The following LRRC4C variants were observed in gnomAD, a reference collection of about 807,000 sequenced individuals.
LRRC4C encodes the protein leucine rich repeat containing 4C.
A neutral mutation model predicts 33.6 loss-of-function variants in LRRC4C; 5 were observed. The ratio of observed to expected loss-of-function variants is 0.15; its 90% CI spans 0.08 to 0.31. LRRC4C has a LOEUF of 0.31. Among genes scored for constraint, LRRC4C ranks in the 10% least tolerant of loss-of-function variants. The pLI is 1.00. For missense variants in LRRC4C, 560 were observed against 796.7 expected, an observed-to-expected ratio of 0.70 and a Z score of 3.58; for synonymous variants, 329 against 302.0, an observed-to-expected ratio of 1.09 and a Z score of -0.93.
chr11:40,441,563 T>A (rs1951396994), intron 3 of LRRC4C, among the ~76,000 whole-genome samples: 1 of 152,228 alleles, frequency 6.6e-6, no homozygotes, highest in Non-Finnish European at 1.5e-5. Context: ...AACACAGGTT[T>A]ATTTGTGGAT....
At chr11:41,296,248 G>A (rs774975001) in intron 1 of LRRC4C, among the ~76,000 whole-genome samples, 2 of 152,064 alleles carry the variant, frequency 1.3e-5, no homozygotes, top group Non-Finnish European at 2.9e-5. Context: ...AAATCCTGGC[G>A]GTTGTTCTGA....
chr11:40,436,289 G>A (rs1951135495), intron 3 of LRRC4C, among the ~76,000 whole-genome samples: 1 of 152,192 alleles, frequency 6.6e-6, no homozygotes, highest in South Asian at 2.1e-4. Context: ...AGAGAGGGCT[G>A]TTTAGGTAGT....
intron 5 of LRRC4C, among the ~76,000 whole-genome samples, chr11:40,217,179 T>C (rs1864039790): frequency 6.6e-6 from 1 of 152,162 alleles, no homozygotes; most frequent in African/African-American, 2.4e-5. Flanking sequence ...TTAATATGTA[T>C]AGAGTGCTTA....
chr11:40,851,706 G>C (rs1330104257), intron 2 of LRRC4C, among the ~76,000 whole-genome samples: 2 of 152,172 alleles, frequency 1.3e-5, no homozygotes, highest in East Asian at 3.9e-4. Flanking sequence ...CTTGAATCCA[G>C]GAGGCGGAGG....
intron 1 of LRRC4C, among the ~76,000 whole-genome samples, chr11:41,082,830 C>T (rs553000837): frequency 6.6e-6 from 1 of 152,222 alleles, no homozygotes; most frequent in East Asian, 1.9e-4. Context: ...CCATCCCCTT[C>T]TTCCATTAAG....
rs189972962 is a variant in LRRC4C, at chr11:40,478,978, T to A, written c.-269-159257A>T. 3.9e-5 allele frequency among the ~76,000 whole-genome samples: 6 copies of A among 152,314 alleles called. No individual in the cohort carries two copies. In the East Asian group the frequency reaches 1.2e-3, roughly 29 times the overall value. On this transcript the variant is annotated intron_variant, in intron 3 of 6. Transcript: ENST00000528697. ...GAAACTATTAACTTTTAAAACACTTTTATTTAATGTTTGCCTTATTATACA... is the reference window on the plus strand; with the variant it reads ...GAAACTATTAACTTTTAAAACACTTATATTTAATGTTTGCCTTATTATACA...
chr11:40,181,130 C>T (rs1184282762), intron 5 of LRRC4C, among the ~76,000 whole-genome samples: 1 of 152,158 alleles, frequency 6.6e-6, no homozygotes, highest in Non-Finnish European at 1.5e-5. Context: ...GCTTCATTCC[C>T]ATCACCACAA....
chr11:41,239,579 T>A (rs934129804), intron 1 of LRRC4C, among the ~76,000 whole-genome samples: 4 of 152,148 alleles, frequency 2.6e-5, no homozygotes, highest in Non-Finnish European at 5.9e-5. Context: ...CTCCCTCAAA[T>A]GTGACTGTCT....
At chr11:40,754,129 T>C (rs1397138303) in intron 2 of LRRC4C, among the ~76,000 whole-genome samples, 1 of 152,074 alleles carries the variant, frequency 6.6e-6, no homozygotes, top group African/African-American at 2.4e-5. Flanking sequence ...AAAATGATCA[T>C]TTACATATCT....
intron 3 of LRRC4C, among the ~76,000 whole-genome samples, chr11:40,400,139 G>T (rs965911626): frequency 6.6e-6 from 1 of 151,972 alleles, no homozygotes; most frequent in African/African-American, 2.4e-5. Context: ...TAAAATCCTT[G>T]GGATTCCCTC....
At chr11:40,644,806 G>A (rs899630449) in intron 3 of LRRC4C, among the ~76,000 whole-genome samples, 3 of 152,168 alleles carry the variant, frequency 2.0e-5, no homozygotes, top group Non-Finnish European at 4.4e-5. Flanking sequence ...AAGGGCAACA[G>A]GAGGGTCCCT....
At chr11:40,570,877 G>A (rs1957956179) in intron 3 of LRRC4C, among the ~76,000 whole-genome samples, 1 of 151,800 alleles carries the variant, frequency 6.6e-6, no homozygotes, top group Non-Finnish European at 1.5e-5. Context: ...TTAAAGTGAA[G>A]AAATAAACAA....
chr11:40,117,081 T>A (rs980581759), intron 6 of LRRC4C, among the ~76,000 whole-genome samples: 1 of 152,186 alleles, frequency 6.6e-6, no homozygotes, highest in Non-Finnish European at 1.5e-5. Flanking sequence ...ATCATAGAAG[T>A]GACATTCAAG....
intron 1 of LRRC4C, among the ~76,000 whole-genome samples, chr11:41,252,647 A>G (rs543946680): frequency 6.6e-6 from 1 of 152,296 alleles, no homozygotes; most frequent in African/African-American, 2.4e-5. Context: ...GTCCTATTTA[A>G]TAAGTGCCTT....
chr11:41,243,876 C>A (rs1294583823), intron 1 of LRRC4C, among the ~76,000 whole-genome samples: 2 of 151,992 alleles, frequency 1.3e-5, no homozygotes, highest in African/African-American at 4.8e-5. Context: ...GCATGAATAT[C>A]GCTATTATAC....
chr11:40,825,798 T>C, intron 2 of LRRC4C, among the ~76,000 whole-genome samples: 1 of 151,332 alleles, frequency 6.6e-6, no homozygotes, highest in Non-Finnish European at 1.5e-5. Flanking sequence ...GTTGACTGGA[T>C]GACACAAAGA....
At chr11:40,360,977 A>G (rs11035803) in intron 3 of LRRC4C, among the ~76,000 whole-genome samples, 24,382 of 152,206 alleles carry the variant, frequency 0.16, 2,274 homozygotes, top group East Asian at 0.3. Flanking sequence ...CATCACATAA[A>G]AAAACTAAAG....
At chr11:40,692,978 C>G (rs1201587162) in intron 2 of LRRC4C, among the ~76,000 whole-genome samples, 1 of 152,004 alleles carries the variant, frequency 6.6e-6, no homozygotes, top group East Asian at 1.9e-4. Context: ...GAGATTAATA[C>G]AGAACTATGA....
chr11:41,247,680 C>T (rs1185671903), intron 1 of LRRC4C, among the ~76,000 whole-genome samples: 1 of 152,128 alleles, frequency 6.6e-6, no homozygotes, highest in Non-Finnish European at 1.5e-5. Context: ...TAGAAGGGAA[C>T]ATTTGTCTGC....
Sources: gnomAD v4.1 joint callset for allele counts (sites outside exome capture counted in the v4.1 genomes callset) on GRCh38, gnomAD v4.1.1 for gene constraint, MANE v1.5 for transcripts, NCBI Gene and HGNC (gene_info 2026-07-23, HGNC 2026-07-21) for gene names.